KAZN: variants seen among roughly 807,000 people sequenced by gnomAD.
KAZN encodes kazrin.
KAZN carries 40 observed loss-of-function variants against 87.4 expected under a neutral mutation model. That is an observed-to-expected ratio of 0.46 (90% confidence interval 0.36 to 0.60). The LOEUF is 0.60. Among genes scored for constraint, KAZN ranks in the 20% least tolerant of loss-of-function variants. KAZN has a pLI of 0.00. For missense variants in KAZN, 898 were observed against 1,073.9 expected (o/e 0.84, Z 2.29); for synonymous variants, 466 against 458.3 (o/e 1.02, Z -0.22).
intron 1 of KAZN, among the ~76,000 whole-genome samples, chr1:14,827,024 G>A (rs751503652): frequency 1.3e-5 from 2 of 152,190 alleles, no homozygotes; most frequent in East Asian, 1.9e-4. Context: ...CCGTGAGGGC[G>A]GAATCAGATG....
intron 2 of KAZN, among the ~76,000 whole-genome samples, chr1:14,396,281 C>T (rs1662896533): frequency 6.6e-6 from 1 of 152,038 alleles, no homozygotes; most frequent in African/African-American, 2.4e-5. Context: ...CAAAAGATAT[C>T]TGTATGTCTC....
chr1:13,892,873 G>A (rs1000640519), exon 1 of KAZN: 4 of 152,288 alleles, frequency 2.6e-5, no homozygotes, highest in African/African-American at 4.8e-5. Flanking sequence ...CCGGGGTGGC[G>A]GCGCGGGCTG....
chr1:14,126,250 C>T (rs1332667854), intron 1 of KAZN, among the ~76,000 whole-genome samples: 1 of 152,116 alleles, frequency 6.6e-6, no homozygotes, highest in African/African-American at 2.4e-5. Flanking sequence ...TGTGGGTTTC[C>T]CTAGGGGAAG....
At chr1:14,716,146 T>TA (rs1642782775) in intron 1 of KAZN, among the ~76,000 whole-genome samples, 1 of 152,178 alleles carries the variant, frequency 6.6e-6, no homozygotes, top group Admixed American at 6.5e-5. Flanking sequence ...AATGTGTATA[T>TA]ATGTGCATGT....
chr1:14,407,435 GGTAAAT>G (rs1663950482), intron 2 of KAZN, among the ~76,000 whole-genome samples: 1 of 152,168 alleles, frequency 6.6e-6, no homozygotes, highest in Non-Finnish European at 1.5e-5. Flanking sequence ...ATCTTGTGGT[GGTAAAT>G]GGGGGGAAAA....
intron 4 of KAZN, among the ~76,000 whole-genome samples, chr1:15,050,113 GAGT>G (rs112512442): frequency 0.31 from 45,590 of 145,710 alleles, 9,321 homozygotes; most frequent in East Asian, 0.71. Context: ...GAGTAGAGTA[GAGT>G]AGTAGAGTAG....
At chr1:14,874,153 T>A (rs1360034735) in intron 1 of KAZN, among the ~76,000 whole-genome samples, 1 of 152,142 alleles carries the variant, frequency 6.6e-6, no homozygotes, top group African/African-American at 2.4e-5. Context: ...CATATACAGA[T>A]GATATTTAAA....
intron 2 of KAZN, among the ~76,000 whole-genome samples, chr1:15,027,950 CTGAA>C (rs1671338121): frequency 6.6e-6 from 1 of 152,244 alleles, no homozygotes; most frequent in African/African-American, 2.4e-5. Context: ...TGAGGACAAA[CTGAA>C]TGTCACCTCA....
intron 2 of KAZN, among the ~76,000 whole-genome samples, chr1:14,508,762 C>G (rs1412306434): frequency 6.6e-6 from 1 of 152,150 alleles, no homozygotes; most frequent in Admixed American, 6.5e-5. Flanking sequence ...GCCCGTTCTC[C>G]CTTCATGGTT....
intron 1 of KAZN, among the ~76,000 whole-genome samples, chr1:13,935,685 C>G (rs951798771): frequency 2.0e-5 from 3 of 152,168 alleles, no homozygotes; most frequent in African/African-American, 7.2e-5. Flanking sequence ...TGAATTAAGA[C>G]AATCCCCGCT....
At chr1:14,956,582 G>C (rs944228877) in intron 1 of KAZN, among the ~76,000 whole-genome samples, 1 of 151,356 alleles carries the variant, frequency 6.6e-6, no homozygotes, top group Non-Finnish European at 1.5e-5. Flanking sequence ...CTCCAGCCTG[G>C]GCAACAGGAG....
chr1:14,860,736 C>T (rs1650739259), intron 1 of KAZN, among the ~76,000 whole-genome samples: 1 of 152,222 alleles, frequency 6.6e-6, no homozygotes, highest in Non-Finnish European at 1.5e-5. Context: ...GTATTCAACA[C>T]ACGCATATGC....
At chr1:15,031,616 G>GT (rs1671715240) in intron 2 of KAZN, among the ~76,000 whole-genome samples, 1 of 122,716 alleles carries the variant, frequency 8.1e-6, no homozygotes, top group South Asian at 2.6e-4. Context: ...CTTTGGTTTG[G>GT]TTTTAGAGAC....
At chr1:14,431,568 GAGGA>G (rs1418487160) in intron 2 of KAZN, among the ~76,000 whole-genome samples, 5 of 152,170 alleles carry the variant, frequency 3.3e-5, no homozygotes, top group Non-Finnish European at 7.4e-5. Flanking sequence ...TGGACTGGGA[GAGGA>G]AGACCCACCT....
At chr1:14,378,436 A>G (rs1661091215) in intron 2 of KAZN, among the ~76,000 whole-genome samples, 1 of 152,190 alleles carries the variant, frequency 6.6e-6, no homozygotes, top group African/African-American at 2.4e-5. Context: ...TCAGGTGAAT[A>G]CTCCCAGTTC....
At chr1:15,036,231 T>C (rs71631704) in intron 3 of KAZN, among the ~76,000 whole-genome samples, 73,190 of 100,294 alleles carry the variant, frequency 0.73, 25,514 homozygotes, top group Non-Finnish European at 0.75. Flanking sequence ...TCTCCCCCCA[T>C]CCCCCTCTGC....
intron 1 of KAZN, among the ~76,000 whole-genome samples, chr1:13,988,023 A>G (rs898514505): frequency 5.3e-5 from 8 of 152,178 alleles, no homozygotes; most frequent in Admixed American, 1.3e-4. Context: ...GCACTTTTAT[A>G]ATTGACATTG....
intron 2 of KAZN, among the ~76,000 whole-genome samples, chr1:14,218,384 T>C (rs1647013847): frequency 6.6e-6 from 1 of 152,146 alleles, no homozygotes; most frequent in Non-Finnish European, 1.5e-5. Flanking sequence ...AGGACCCAGA[T>C]TATGATCTTG....
At chr1:14,626,509 G>T (rs1393616251) in intron 1 of KAZN, among the ~76,000 whole-genome samples, 5 of 152,170 alleles carry the variant, frequency 3.3e-5, no homozygotes, top group Non-Finnish European at 7.3e-5. Context: ...CTTGCCCGGG[G>T]TTACCATCCC....
Sources: gnomAD v4.1 joint callset for allele counts (sites outside exome capture counted in the v4.1 genomes callset) on GRCh38, gnomAD v4.1.1 for gene constraint, MANE v1.5 for transcripts, NCBI Gene and HGNC (gene_info 2026-07-23, HGNC 2026-07-21) for gene names.